The following RNF121 variants were observed in gnomAD, a reference collection of about 807,000 sequenced individuals.
RNF121 encodes ring finger protein 121.
A neutral mutation model predicts 46.5 loss-of-function variants in RNF121; 21 were observed. The observed-to-expected ratio is 0.45, with a 90% CI of 0.32 to 0.65. RNF121 has a LOEUF of 0.65. Ranked by LOEUF, RNF121 falls within the 30% of genes least tolerant of loss-of-function variation. The probability of loss-of-function intolerance (pLI) is 0.04; values close to 1 mark genes in which losing one functional copy is unlikely to be tolerated. For synonymous variants in RNF121, 139 were observed against 144.7 expected (o/e 0.96, Z 0.28); for missense variants, 346 against 416.0 (o/e 0.83, Z 1.46).
chr11:71,952,634 C>T (rs1256200700), intron 1 of RNF121, among the ~76,000 whole-genome samples: 1 of 151,858 alleles, frequency 6.6e-6, no homozygotes, highest in Middle Eastern at 3.2e-3. Context: ...CATGGTGAAA[C>T]CCTATCTTTA....
intron 4 of RNF121, 112 bp downstream of exon 4, chr11:71,983,027 T>G (rs1954695804): frequency 1.9e-6 from 2 of 1,063,316 alleles, no homozygotes; most frequent in Non-Finnish European, 2.5e-6. Context: ...TCTGCCAAAA[T>G]TATTTGGCAT....
Position 71,957,399 on chromosome 11 carries a change from G to T in RNF121, c.101+135G>T, listed in dbSNP as rs894546341. 2.7e-6 allele frequency: 2 copies of T among 734,954 alleles called. 1 individual carries two copies. Among genetic ancestry groups the T allele is most frequent in the South Asian group, 2.9e-5 (2 of 69,268 alleles). 45.5% of individuals were successfully genotyped at this position (734,954 alleles called of 1,614,324 possible). A position where few individuals can be genotyped will look rare whatever the true frequency, so the allele number is the denominator to read the frequency against. On this transcript the variant is annotated intron_variant, in intron 2 of 8. Transcript: ENST00000361756. ...ATGACCGGTAGGACTGGTCTTTTGG[G>T]ATCTCTCTAAGTATCTGGGTTGCTC...
intron 4 of RNF121, among the ~76,000 whole-genome samples, chr11:71,986,539 G>A (rs1309443375): frequency 6.6e-6 from 1 of 152,008 alleles, no homozygotes; most frequent in Non-Finnish European, 1.5e-5. Context: ...AGGCTGAGGC[G>A]AGTGGATCAT....
intron 3 of RNF121, among the ~76,000 whole-genome samples, chr11:71,974,912 A>T (rs974567771): frequency 6.6e-6 from 1 of 152,192 alleles, no homozygotes; most frequent in Non-Finnish European, 1.5e-5. Flanking sequence ...TGCGTAGCTC[A>T]GTTTTCATCA....
At chr11:71,962,564 G>A (rs987131745) in intron 3 of RNF121, among the ~76,000 whole-genome samples, 10 of 152,178 alleles carry the variant, frequency 6.6e-5, no homozygotes, top group African/African-American at 2.4e-4. Context: ...GAGGCCAGTT[G>A]TACTAGGAAT....
rs184534876 is a variant in RNF121, at chr11:71,951,164, C to T, written c.64-6063C>T. Among the ~76,000 whole-genome samples, 688 of 147,744 alleles carry T rather than the reference C, an allele frequency of 4.7e-3. 3 individuals are homozygous for T. The highest frequency in any genetic ancestry group is 0.016 in the African/African-American group (658 of 39,910). On this transcript the variant is annotated intron_variant, in intron 1 of 8. Transcript: ENST00000361756. Reference sequence around the variant, plus strand: ...GCTTGAACCTGGGAGGCAGAGGTTGCGGTAAGCCGAGATTGTGCCATTGCA... The same window carrying T: ...GCTTGAACCTGGGAGGCAGAGGTTGTGGTAAGCCGAGATTGTGCCATTGCA...
intron 3 of RNF121, among the ~76,000 whole-genome samples, chr11:71,974,390 T>C (rs555899089): frequency 2.2e-4 from 33 of 152,382 alleles, no homozygotes; most frequent in African/African-American, 6.0e-4. Flanking sequence ...ATAACACTTA[T>C]AATGAATTGT....
At chr11:71,995,996 G>A (rs544316978) in intron 8 of RNF121, among the ~76,000 whole-genome samples, 199 bp from the exon 9 acceptor site, 4 of 152,298 alleles carry the variant, frequency 2.6e-5, no homozygotes, top group African/African-American at 7.2e-5. Flanking sequence ...AGGCTGTGAG[G>A]AGGAAGAGGA....
At chr11:71,971,217 C>T (rs750407679) in intron 3 of RNF121, among the ~76,000 whole-genome samples, 17 of 151,910 alleles carry the variant, frequency 1.1e-4, no homozygotes, top group Non-Finnish European at 2.1e-4. Context: ...AACCCTATCT[C>T]TACAAAAAAT....
chr11:71,985,134 C>T (rs1954748118), intron 4 of RNF121, among the ~76,000 whole-genome samples: 1 of 151,922 alleles, frequency 6.6e-6, no homozygotes, highest in Non-Finnish European at 1.5e-5. Flanking sequence ...ACTGAGTTTC[C>T]TAGGCTGGTC....
intron 3 of RNF121, among the ~76,000 whole-genome samples, chr11:71,974,160 C>G (rs549166708): frequency 6.6e-6 from 1 of 152,238 alleles, no homozygotes; most frequent in East Asian, 1.9e-4. Context: ...CCAAGATGGT[C>G]TCAATCTCCT....
intron 1 of RNF121, among the ~76,000 whole-genome samples, chr11:71,952,273 TATAG>T (rs1953898578): frequency 6.6e-6 from 1 of 152,182 alleles, no homozygotes; most frequent in Non-Finnish European, 1.5e-5. Context: ...TAGGCAAATC[TATAG>T]ATAGAGACAG....
chr11:71,932,131 T>C (rs1412930196), intron 1 of RNF121, among the ~76,000 whole-genome samples: 1 of 152,246 alleles, frequency 6.6e-6, no homozygotes, highest in Non-Finnish European at 1.5e-5. Flanking sequence ...TCCTAATGGC[T>C]TCTTTCTTTA....
At chr11:71,955,061 A>G (rs1953960182) in intron 1 of RNF121, among the ~76,000 whole-genome samples, 1 of 152,192 alleles carries the variant, frequency 6.6e-6, no homozygotes, top group Non-Finnish European at 1.5e-5. Context: ...ATGGAAACAA[A>G]TAAACATAAA....
rs538184207 is a variant in RNF121 at position 71,991,513 on chromosome 11, A to G, written c.627+796A>G. On this transcript the variant is annotated intron_variant, in intron 6 of 8. Transcript: ENST00000361756. ...AAATAAAATTACAACTTTAATAAGC[A>G]TTATGTAGGAAAGGTTCATGATGCT... 2.0e-5 allele frequency among the ~76,000 whole-genome samples: 3 copies of G among 152,334 alleles called. No individual in the cohort carries two copies. In the East Asian group the frequency reaches 5.8e-4, roughly 29 times the overall value.
At chr11:71,995,192 A>C in intron 7 of RNF121, 1 of 575,620 alleles carries the variant, frequency 1.7e-6, no homozygotes. Flanking sequence ...TGTAATATTT[A>C]TCATGTATTT....
intron 1 of RNF121, among the ~76,000 whole-genome samples, chr11:71,935,415 A>C (rs78207798): frequency 2.2e-4 from 34 of 152,350 alleles, no homozygotes; most frequent in African/African-American, 7.9e-4. Flanking sequence ...TTGTGCTGTT[A>C]ACCACAACGG....
intron 3 of RNF121, among the ~76,000 whole-genome samples, chr11:71,970,549 C>T (rs1195672045): frequency 6.6e-6 from 1 of 152,002 alleles, no homozygotes; most frequent in East Asian, 1.9e-4. Flanking sequence ...GTAATGCCAG[C>T]TACTTGGGAG....
At chr11:71,944,696 C>G (rs1953671921) in intron 1 of RNF121, among the ~76,000 whole-genome samples, 1 of 152,052 alleles carries the variant, frequency 6.6e-6, no homozygotes, top group South Asian at 2.1e-4. Flanking sequence ...ATTAGGACAC[C>G]AGAAGATTTG....
Sources: allele counts gnomAD v4.1 joint callset (sites outside exome capture counted in the v4.1 genomes callset), GRCh38; gene constraint gnomAD v4.1.1; transcripts MANE v1.5; gene names NCBI Gene and HGNC (gene_info 2026-07-23, HGNC 2026-07-21).